DOCK1: variants seen among roughly 807,000 people sequenced by gnomAD.
DOCK1 encodes dedicator of cytokinesis 1, also known as dedicator of cytokinesis protein 1.
In DOCK1, 138 loss-of-function variants were observed where a neutral mutation model predicts 262.7. The observed-to-expected ratio is 0.53, with a 90% CI of 0.46 to 0.61. DOCK1 has a LOEUF of 0.61. Ranked by LOEUF, DOCK1 falls within the 20% of genes least tolerant of loss-of-function variation. The pLI, the probability that DOCK1 is intolerant of heterozygous loss-of-function variation, is 0.00. For synonymous variants in DOCK1, 866 were observed against 867.4 expected (o/e 1.00, Z 0.03); for missense variants, 1,908 against 2,370.7 (o/e 0.80, Z 4.05).
intron 29 of DOCK1, among the ~76,000 whole-genome samples, chr10:127,260,819 ATG>A (rs1359307264): frequency 1.1e-4 from 4 of 36,076 alleles, no homozygotes; most frequent in Non-Finnish European, 2.2e-4. Flanking sequence ...GTGTCCCTGC[ATG>A]TGTGTGCATG....
intron 1 of DOCK1, among the ~76,000 whole-genome samples, chr10:126,936,928 C>T (rs1054567910): frequency 9.8e-5 from 15 of 152,296 alleles, no homozygotes; most frequent in African/African-American, 2.9e-4. Flanking sequence ...AACTCTGTGC[C>T]CATCAGACAC....
chr10:127,355,557 A>C (rs2064105104), intron 32 of DOCK1, among the ~76,000 whole-genome samples: 1 of 152,170 alleles, frequency 6.6e-6, no homozygotes, highest in African/African-American at 2.4e-5. Flanking sequence ...CAGGATCTCC[A>C]GGCCTCTGCT....
chr10:127,037,215 G>C (rs920120149), intron 18 of DOCK1, among the ~76,000 whole-genome samples: 1 of 152,162 alleles, frequency 6.6e-6, no homozygotes, highest in Non-Finnish European at 1.5e-5. Context: ...GTGCAGGCGT[G>C]GTCTCAGTTG....
chr10:127,047,430 A>G (rs115478581), intron 21 of DOCK1, among the ~76,000 whole-genome samples: 632 of 152,334 alleles, frequency 4.1e-3, no homozygotes, highest in African/African-American at 0.015. Flanking sequence ...TTTATTTTCT[A>G]TGTTTATATT....
intron 29 of DOCK1, among the ~76,000 whole-genome samples, chr10:127,269,374 G>T (rs1056713651): frequency 6.6e-6 from 1 of 152,122 alleles, no homozygotes; most frequent in African/African-American, 2.4e-5. Flanking sequence ...GAGATTCAGA[G>T]CACTTTGTAC....
intron 45 of DOCK1, 73 bp downstream of exon 45, chr10:127,418,614 C>T: frequency 1.3e-6 from 2 of 1,511,714 alleles, no homozygotes; most frequent in South Asian, 2.6e-5. Flanking sequence ...CGAGAGTCCC[C>T]AAAGCCCAGA....
At chr10:127,125,625 C>G (rs374968390) in intron 26 of DOCK1, 24 bp downstream of exon 26, 1 of 1,602,120 alleles carries the variant, frequency 6.2e-7, no homozygotes, top group Admixed American at 1.7e-5. Flanking sequence ...CTGTGCGTGA[C>G]GTCCTGCCAT....
chr10:127,017,562 CACAGAT>C (rs1441096415), intron 12 of DOCK1, among the ~76,000 whole-genome samples: 2 of 151,722 alleles, frequency 1.3e-5, no homozygotes, highest in East Asian at 3.9e-4. Context: ...CACACACATG[CACAGAT>C]ACAGATACAC....
intron 29 of DOCK1, among the ~76,000 whole-genome samples, chr10:127,322,118 AAG>A (rs1041500359): frequency 6.6e-6 from 1 of 152,028 alleles, no homozygotes; most frequent in African/African-American, 2.4e-5. Context: ...AAGAAAAAAA[AAG>A]AGAATGAATA....
intron 4 of DOCK1, 128 bp downstream of exon 4, chr10:126,982,101 G>A: frequency 1.0e-6 from 1 of 969,674 alleles, no homozygotes; most frequent in Non-Finnish European, 1.6e-6. Context: ...GGGGACAGGA[G>A]TTTTGGGGAG....
At chr10:127,186,281 C>T (rs146525294) in intron 27 of DOCK1, among the ~76,000 whole-genome samples, 1,570 of 152,232 alleles carry the variant, frequency 0.01, 19 homozygotes, top group Non-Finnish European at 0.016. Context: ...CTGGGGAGGC[C>T]TCAAGAAACT....
At chr10:127,016,979 G>A (rs1194439337) in intron 12 of DOCK1, among the ~76,000 whole-genome samples, 11 of 106,382 alleles carry the variant, frequency 1.0e-4, no homozygotes, top group East Asian at 2.6e-4. Context: ...ACATACACAC[G>A]CACACACACA....
chr10:127,069,356 C>T lies in DOCK1; in HGVS notation c.2445+7580C>T, dbSNP rs931535839. The stretch of plus-strand genomic sequence containing the variant: ...AGGTAAGGAGACGAGAACTCCGGTG[C>T]GTTCCACTCCCTCTGACCTGACGAA... On this transcript the variant is annotated intron_variant, in intron 23 of 51. Transcript: ENST00000623213. Among the ~76,000 whole-genome samples, 6 of 152,138 alleles carry T rather than the reference C, an allele frequency of 3.9e-5. No individual in the cohort carries two copies. In the South Asian group the frequency reaches 1.0e-3, roughly 26 times the overall value.
intron 29 of DOCK1, among the ~76,000 whole-genome samples, chr10:127,293,392 T>C (rs1344311137): frequency 1.3e-5 from 2 of 152,210 alleles, no homozygotes; most frequent in Non-Finnish European, 2.9e-5. Flanking sequence ...TCCTTACCTG[T>C]GGCTGGTGCC....
chr10:127,283,996 T>TA (rs1194660690), intron 29 of DOCK1, among the ~76,000 whole-genome samples: 20 of 152,200 alleles, frequency 1.3e-4, no homozygotes, highest in African/African-American at 4.8e-4. Flanking sequence ...TATTGTCTTT[T>TA]AAAAAAATTG....
chr10:127,020,958 A>T (rs551374742), intron 13 of DOCK1, among the ~76,000 whole-genome samples: 1 of 152,144 alleles, frequency 6.6e-6, no homozygotes, highest in Non-Finnish European at 1.5e-5. Flanking sequence ...ATCCTTATGA[A>T]GGATCCAGGC....
At chr10:127,253,249 A>G (rs1040718564) in intron 28 of DOCK1, among the ~76,000 whole-genome samples, 5 of 152,200 alleles carry the variant, frequency 3.3e-5, no homozygotes, top group East Asian at 1.9e-4. Flanking sequence ...GAAGGGAACA[A>G]TGACGGCTTT....
intron 22 of DOCK1, among the ~76,000 whole-genome samples, chr10:127,057,793 G>A (rs2045261412): frequency 6.6e-6 from 1 of 152,150 alleles, no homozygotes; most frequent in Admixed American, 6.5e-5. Flanking sequence ...TGTTAGCTTT[G>A]TAAATAATTA....
At chr10:127,036,698 GC>G (rs1283684770) in intron 18 of DOCK1, among the ~76,000 whole-genome samples, 1 of 152,072 alleles carries the variant, frequency 6.6e-6, no homozygotes, top group Non-Finnish European at 1.5e-5. Flanking sequence ...CTTGGGCCAG[GC>G]ATGGTGGCTC....
Sources: gnomAD v4.1 joint callset for allele counts (sites outside exome capture counted in the v4.1 genomes callset) on GRCh38, gnomAD v4.1.1 for gene constraint, MANE v1.5 for transcripts, NCBI Gene and HGNC (gene_info 2026-07-23, HGNC 2026-07-21) for gene names.